Variants in UTP20 observed in about 807,000 individuals in gnomAD.
UTP20 encodes small subunit processome component 20 homolog.
A neutral mutation model predicts 329.5 loss-of-function variants in UTP20; 164 were observed. The ratio of observed to expected loss-of-function variants is 0.50; its 90% confidence interval spans 0.44 to 0.57. The LOEUF is 0.57. UTP20 is among the 20% of genes least tolerant of loss of function. The pLI is 0.00. For missense variants in UTP20, 3,055 were observed against 3,284.2 expected (o/e 0.93, Z 1.71); for synonymous variants, 1,151 against 1,159.3 (o/e 0.99, Z 0.14).
chr12:101,350,291 C>T (rs1246046748), intron 38 of UTP20, among the ~76,000 whole-genome samples: 1 of 152,064 alleles, frequency 6.6e-6, no homozygotes, highest in Non-Finnish European at 1.5e-5. Context: ...CTCTGCCTCC[C>T]AAGTACCTGG....
chr12:101,345,462 C>G (rs1322736433), intron 36 of UTP20, 92 bp from the exon 37 acceptor site: 11 of 931,202 alleles, frequency 1.2e-5, no homozygotes, highest in African/African-American at 1.7e-5. Context: ...AAATATTTTA[C>G]TTTTTAAAAT....
Position 101,356,763 on chromosome 12 carries a change from T to A in UTP20, c.5534+70T>A, listed in dbSNP as rs894425302. The A allele has an allele frequency of 1.4e-5, 22 of 1,543,136 alleles. No homozygotes were observed. In the African/African-American group the frequency reaches 2.6e-4, roughly 18 times the overall value. On this transcript the variant is annotated intron_variant, in intron 42 of 61. Coordinates refer to ENST00000261637, the MANE Select transcript of UTP20 (RefSeq NM_014503.3). ...GGTTCTTTTCTTCCTTACTTTTGAG[T>A]CTCTTTTGTCAGGAAGAGGAAAAAG...
intron 57 of UTP20, among the ~76,000 whole-genome samples, chr12:101,380,288 G>A (rs1593456995): frequency 2.0e-5 from 3 of 152,108 alleles, no homozygotes; most frequent in Middle Eastern, 3.4e-3. Context: ...TTACATAGGG[G>A]GATCACCTGA....
chr12:101,384,729 G>A (rs1870769997), intron 60 of UTP20, among the ~76,000 whole-genome samples: 1 of 152,144 alleles, frequency 6.6e-6, no homozygotes, highest in Non-Finnish European at 1.5e-5. Flanking sequence ...AATGTTCAGA[G>A]TTTGAAAATA....
chr12:101,310,099 T>G (rs1198267987), intron 19 of UTP20, among the ~76,000 whole-genome samples: 2 of 152,232 alleles, frequency 1.3e-5, no homozygotes, highest in Non-Finnish European at 2.9e-5. Context: ...CTCTTTTTGC[T>G]TTTTATGATA....
At chr12:101,360,368 T>C (rs954881286) in intron 43 of UTP20, among the ~76,000 whole-genome samples, 1 of 152,184 alleles carries the variant, frequency 6.6e-6, no homozygotes, top group Non-Finnish European at 1.5e-5. Context: ...AGCAAGACCC[T>C]GTCTCAAAAT....
intron 38 of UTP20, among the ~76,000 whole-genome samples, chr12:101,348,139 T>G (rs1452843121): frequency 3.3e-5 from 5 of 152,190 alleles, no homozygotes; most frequent in Admixed American, 2.0e-4. Flanking sequence ...GGTATATCCT[T>G]TTCTAGCCTT....
intron 21 of UTP20, among the ~76,000 whole-genome samples, chr12:101,312,768 G>A (rs767802199): frequency 1.3e-5 from 2 of 152,132 alleles, no homozygotes; most frequent in African/African-American, 2.4e-5. Context: ...CATCTGTCAC[G>A]TTTTCAAATC....
At chr12:101,293,678 TACA>T (rs773267573) in intron 11 of UTP20, among the ~76,000 whole-genome samples, 6 of 152,192 alleles carry the variant, frequency 3.9e-5, no homozygotes, top group Non-Finnish European at 7.3e-5. Context: ...CTAGTAACCC[TACA>T]GTATACATCA....
chr12:101,322,336 T>C (rs1002245193), intron 25 of UTP20, among the ~76,000 whole-genome samples: 1 of 152,146 alleles, frequency 6.6e-6, no homozygotes, highest in East Asian at 1.9e-4. Flanking sequence ...GACAATAATA[T>C]AATTAAATTT....
chr12:101,301,920 G>GTATT (rs367861960), intron 14 of UTP20, among the ~76,000 whole-genome samples: 105 of 151,850 alleles, frequency 6.9e-4, no homozygotes, highest in Middle Eastern at 3.4e-3. Context: ...CTACTTCTGA[G>GTATT]TATTTATTTA....
In UTP20 at chr12:101,309,806, G is replaced by T. The variant is rs376351923; in HGVS notation, c.2198G>T (p.Ser733Ile). ...TTAGGCATGCTATATATTAATTTCA[G>T]TGCACTCTGGGATCCTGTTATTGAA... ...YLLGMLYINF[S>I]ALWDPVIELI... is the part of the protein sequence containing the mutation. Residue 733 changes from serine to isoleucine, a missense_variant, in exon 19 of 62, where the codon AGT becomes ATT. By Grantham distance (142) the Ser-to-Ile change is moderately radical. Coordinates refer to ENST00000261637, the MANE Select transcript of UTP20 (RefSeq NM_014503.3). The T allele has an allele frequency of 6.2e-7, 1 of 1,613,586 alleles. No homozygotes were observed. The highest frequency in any genetic ancestry group is 1.3e-5 in the African/African-American group (1 of 74,878).
At chr12:101,330,594 C>G (rs990618359) in intron 27 of UTP20, among the ~76,000 whole-genome samples, 3 of 152,206 alleles carry the variant, frequency 2.0e-5, no homozygotes, top group African/African-American at 7.2e-5. Flanking sequence ...AGTTCTTTCT[C>G]TGTTATATGA....
rs533658264 is a variant in UTP20 at position 101,353,031 on chromosome 12, CTTT to C, written c.5025-8_5025-6del. On this transcript the variant is annotated splice_polypyrimidine_tract_variant and intron_variant, in intron 39 of 61. Transcript: ENST00000261637. ...ATAATCAAATGAACATTTCTGTATACTTTTTTTTTTAACAGTTTGCTAGTAATA... is the reference window on the plus strand; with the variant it reads ...ATAATCAAATGAACATTTCTGTATACTTTTTTTAACAGTTTGCTAGTAATA... 7.4e-7 allele frequency: 1 copy of C among 1,342,484 alleles called. No homozygotes were observed. Among genetic ancestry groups the C allele is most frequent in the Admixed American group, 2.0e-5 (1 of 49,714 alleles). 83.2% of individuals were successfully genotyped at this position (1,342,484 alleles called of 1,614,324 possible). A position where few individuals can be genotyped will look rare whatever the true frequency, so the allele number is the denominator to read the frequency against.
In UTP20 at chr12:101,357,017, C is replaced by G. The variant is rs1471817742; in HGVS notation, c.5626C>G (p.Leu1876Val). Residue 1876 changes from leucine (L) to valine (V), a missense_variant, in exon 43 of 62, where the codon CTT (leucine) becomes GTT (valine). Leu to Val is a conservative substitution (Grantham distance 32). Around this residue, in one of 3 missense-constraint regions of UTP20, gnomAD observed 2,445 missense variants for 2,575.5 expected, o/e 0.95. Coordinates refer to ENST00000261637, the MANE Select transcript of UTP20 (RefSeq NM_014503.3). ...RSTLAKIIEDLGVHFLLYVLK... is the reference protein window; with the variant it reads ...RSTLAKIIEDVGVHFLLYVLK... ...CACTCTTGCGAAAATAATAGAGGATCTTGGTGTGCACTTCCTCCTATATGT... is the reference window on the plus strand; with the variant it reads ...CACTCTTGCGAAAATAATAGAGGATGTTGGTGTGCACTTCCTCCTATATGT... The G allele has an allele frequency of 6.2e-7, 1 of 1,613,996 alleles. No homozygotes were observed. Among genetic ancestry groups the G allele is most frequent in the Non-Finnish European group, 8.5e-7 (1 of 1,179,910 alleles).
At chr12:101,299,489 T>A (rs190176718) in intron 12 of UTP20, among the ~76,000 whole-genome samples, 193 bp from the exon 13 acceptor site, 1 of 152,088 alleles carries the variant, frequency 6.6e-6, no homozygotes, top group East Asian at 1.9e-4. Context: ...TGAAAGGAAG[T>A]AGAGCCAGTG....
At chr12:101,383,729 T>C in intron 60 of UTP20, 60 bp downstream of exon 60, 1 of 1,367,444 alleles carries the variant, frequency 7.3e-7, no homozygotes, top group Non-Finnish European at 9.6e-7. Context: ...ACTTCTCTCC[T>C]GAATGTTTCC....
intron 15 of UTP20, 115 bp from the exon 16 acceptor site, chr12:101,305,800 T>G (rs750143989): frequency 1.0e-5 from 13 of 1,242,472 alleles, no homozygotes; most frequent in Non-Finnish European, 1.3e-5. Context: ...GTGAGACTTT[T>G]GCCTGTTACC....
At chr12:101,383,421 A>C in intron 59 of UTP20, 108 bp downstream of exon 59, 9 of 1,488,076 alleles carry the variant, frequency 6.0e-6, no homozygotes, top group Non-Finnish European at 8.1e-6. Context: ...TTTGAACCCC[A>C]AACTGCAGCA....
Sources: allele counts gnomAD v4.1 joint callset (sites outside exome capture counted in the v4.1 genomes callset), GRCh38; gene constraint gnomAD v4.1.1; regional missense constraint gnomAD v4.1.1; transcripts MANE v1.5; gene names NCBI Gene and HGNC (gene_info 2026-07-23, HGNC 2026-07-21).